The following R3HDM2 variants were observed in gnomAD, a reference collection of about 807,000 sequenced individuals.
R3HDM2 encodes the protein R3H domain containing 2, also known as R3H domain-containing protein 2.
Under a neutral mutation model 124.5 loss-of-function variants are expected in R3HDM2, and 38 were observed. That is an observed-to-expected ratio of 0.31 (90% CI 0.24 to 0.40). The LOEUF is 0.40. Among genes scored for constraint, R3HDM2 ranks in the 10% least tolerant of loss-of-function variants. The pLI is 1.00. For synonymous variants in R3HDM2, 391 were observed against 448.0 expected (o/e 0.87, Z 1.61); for missense variants, 869 against 1,236.9 (o/e 0.70, Z 4.46).
chr12:57,264,937 C>T (rs1165890219), intron 19 of R3HDM2, among the ~76,000 whole-genome samples: 1 of 152,070 alleles, frequency 6.6e-6, no homozygotes, highest in African/African-American at 2.4e-5. Flanking sequence ...GCACACAGTC[C>T]CCTAAAGTTT....
intron 2 of R3HDM2, among the ~76,000 whole-genome samples, chr12:57,368,808 G>A (rs1665917219): frequency 6.6e-6 from 1 of 152,136 alleles, no homozygotes. Flanking sequence ...AATAGCTTTA[G>A]TGAGTTCTGT....
At chr12:57,430,497 A>ACC in intron 1 of R3HDM2, 1 of 381,596 alleles carries the variant, frequency 2.6e-6, no homozygotes, top group Non-Finnish European at 3.5e-6. Context: ...CTGCCCCCGC[A>ACC]CCGCCGCCCT....
chr12:57,325,862 T>A (rs888041048), intron 2 of R3HDM2, among the ~76,000 whole-genome samples: 15 of 151,900 alleles, frequency 9.9e-5, no homozygotes, highest in Non-Finnish European at 1.3e-4. Context: ...CTTTTTTTTT[T>A]AAACAAATTG....
chr12:57,430,589 C>T, intron 1 of R3HDM2, 131 bp downstream of exon 1: 2 of 984,998 alleles, frequency 2.0e-6, no homozygotes. Context: ...GACCCATCGT[C>T]CCCGGGACCG....
chr12:57,423,788 C>CA (rs1312360797), intron 1 of R3HDM2, among the ~76,000 whole-genome samples: 48 of 105,278 alleles, frequency 4.6e-4, no homozygotes, highest in Middle Eastern at 0.02. Flanking sequence ...GCCTGGGCAA[C>CA]AGAGCAAGAC....
chr12:57,400,331 G>A (rs1343971090), intron 1 of R3HDM2, among the ~76,000 whole-genome samples: 1 of 151,848 alleles, frequency 6.6e-6, no homozygotes, highest in Non-Finnish European at 1.5e-5. Flanking sequence ...ACTATCGCAA[G>A]GACAAAACAC....
chr12:57,285,090 C>T (rs188351908), intron 12 of R3HDM2, among the ~76,000 whole-genome samples: 1 of 152,024 alleles, frequency 6.6e-6, no homozygotes. Flanking sequence ...GTAGGTATAC[C>T]GAGGAATAAT....
intron 5 of R3HDM2, 48 bp from the exon 6 acceptor site, chr12:57,299,526 C>A: frequency 2.0e-6 from 3 of 1,498,828 alleles, no homozygotes; most frequent in Non-Finnish European, 2.7e-6. Flanking sequence ...TTTTAACTTT[C>A]TTGCAGCTCC....
chr12:57,428,500 G>A (rs1346902865), intron 1 of R3HDM2, among the ~76,000 whole-genome samples: 2 of 146,094 alleles, frequency 1.4e-5, no homozygotes, highest in East Asian at 2.0e-4. Flanking sequence ...TATGGTGGGG[G>A]GTGTGGTGGG....
intron 13 of R3HDM2, among the ~76,000 whole-genome samples, chr12:57,282,963 AATAG>A (rs1344201900): frequency 2.6e-5 from 4 of 152,324 alleles, no homozygotes; most frequent in East Asian, 3.9e-4. Flanking sequence ...GAGCAGCAGA[AATAG>A]ATAGAGAAGG....
chr12:57,396,918 A>G (rs549152028), intron 1 of R3HDM2, among the ~76,000 whole-genome samples: 56 of 152,102 alleles, frequency 3.7e-4, no homozygotes, highest in Non-Finnish European at 5.6e-4. Flanking sequence ...ATGGTGAAAC[A>G]CCATCTCTAC....
chr12:57,291,712 G>A (rs1269997197), intron 11 of R3HDM2, among the ~76,000 whole-genome samples: 2 of 150,936 alleles, frequency 1.3e-5, no homozygotes. Flanking sequence ...ACCATCTTTT[G>A]ACAATGAAGG....
chr12:57,284,835 G>A (rs1412628025), intron 12 of R3HDM2, among the ~76,000 whole-genome samples: 9 of 152,058 alleles, frequency 5.9e-5, no homozygotes, highest in Admixed American at 5.2e-4. Context: ...TAAGGAAAGG[G>A]GTTCTCCCTC....
chr12:57,393,463 C>G (rs1464239223), intron 2 of R3HDM2, among the ~76,000 whole-genome samples: 1 of 152,006 alleles, frequency 6.6e-6, no homozygotes, highest in Non-Finnish European at 1.5e-5. Context: ...CTGGGCAACA[C>G]AGCAAGACCT....
chr12:57,281,334 A>G (rs1307907430), intron 13 of R3HDM2, among the ~76,000 whole-genome samples: 1 of 151,890 alleles, frequency 6.6e-6, no homozygotes, highest in Non-Finnish European at 1.5e-5. Context: ...TCAAGCATAC[A>G]CATAACCTTT....
intron 10 of R3HDM2, among the ~76,000 whole-genome samples, chr12:57,293,245 T>C (rs572384703): frequency 5.3e-5 from 8 of 152,190 alleles, no homozygotes; most frequent in South Asian, 2.1e-4. Context: ...CTAAGCATTT[T>C]TTTCCTGAAC....
chr12:57,368,044 A>ATT (rs1245574804), intron 2 of R3HDM2, among the ~76,000 whole-genome samples: 1 of 146,208 alleles, frequency 6.8e-6, no homozygotes, highest in South Asian at 2.2e-4. Flanking sequence ...TTCTTTTGTG[A>ATT]TTTTTTTTTT....
chr12:57,345,500 TACACACAC>T (rs55903347), intron 2 of R3HDM2, among the ~76,000 whole-genome samples: 17,644 of 147,420 alleles, frequency 0.12, 1,087 homozygotes, highest in African/African-American at 0.15. Context: ...ATTTCTTTTA[TACACACAC>T]ACACACACAC....
At chr12:57,378,610 C>T (rs2064403397) in intron 2 of R3HDM2, among the ~76,000 whole-genome samples, 1 of 152,172 alleles carries the variant, frequency 6.6e-6, no homozygotes, top group Non-Finnish European at 1.5e-5. Context: ...AACTCCTGGA[C>T]TCAAGACATC....
Sources: gnomAD v4.1 joint callset for allele counts (sites outside exome capture counted in the v4.1 genomes callset) on GRCh38, gnomAD v4.1.1 for gene constraint, MANE v1.5 for transcripts, NCBI Gene and HGNC (gene_info 2026-07-23, HGNC 2026-07-21) for gene names.